The following NAV1 variants were observed in gnomAD, a reference collection of about 807,000 sequenced individuals.
The protein encoded by NAV1 is pore membrane and/or filament interacting like protein 3.
A neutral mutation model predicts 175.2 loss-of-function variants in NAV1; 18 were observed. The ratio of observed to expected loss-of-function variants is 0.10; its 90% CI spans 0.07 to 0.15. The LOEUF (loss-of-function observed/expected upper bound fraction) is 0.15. NAV1 is among the 10% of genes least tolerant of loss of function. The pLI, the probability that NAV1 is intolerant of heterozygous loss-of-function variation, is 1.00. For missense variants in NAV1, 1,731 were observed against 2,436.6 expected (o/e 0.71, Z 6.10); for synonymous variants, 897 against 978.7 (o/e 0.92, Z 1.56).
chr1:201,718,549 G>C lies in NAV1; in HGVS notation c.1020G>C (p.Glu340Asp), dbSNP rs2102485026. ...CTGTGGGTGGGAGCTGCCGCTCGGA[G>C]GGGACGCCCGCCTGGTACATGCACG... Residue 340 changes from glutamate to aspartate, a missense_variant, in exon 3 of 30, where the codon GAG (glutamate) becomes GAC (aspartate). Glu to Asp is a conservative substitution (Grantham distance 45). Transcript: ENST00000367296. The surrounding 1 kb of genome is among the most constrained non-coding windows in gnomAD (Gnocchi z 4.8). The C allele has an allele frequency of 6.2e-7, 1 of 1,613,570 alleles. No individual in the cohort carries two copies. Among genetic ancestry groups the C allele is most frequent in the Non-Finnish European group, 8.5e-7 (1 of 1,179,772 alleles).
intron 1 of NAV1, among the ~76,000 whole-genome samples, chr1:201,706,054 G>A (rs575328645): frequency 3.7e-4 from 56 of 152,266 alleles, no homozygotes; most frequent in African/African-American, 1.3e-3. Flanking sequence ...GAGTTTGAAG[G>A]TTTGTGTCCT....
intron 1 of NAV1, among the ~76,000 whole-genome samples, chr1:201,662,992 A>T (rs1669672302): frequency 6.6e-6 from 1 of 152,186 alleles, no homozygotes; most frequent in South Asian, 2.1e-4. Context: ...CATGCTCTGC[A>T]TTCTTGCTCC....
chr1:201,567,927 C>G (rs969779220), intron 1 of NAV1, among the ~76,000 whole-genome samples: 19 of 152,208 alleles, frequency 1.2e-4, no homozygotes, highest in African/African-American at 4.6e-4. Flanking sequence ...GAAGATCAAC[C>G]CTAGGAGACA....
chr1:201,811,588 C>T lies in NAV1; in HGVS notation c.4798-15C>T, dbSNP rs746890228. The T allele has an allele frequency of 1.3e-5, 21 of 1,614,030 alleles. No homozygotes were observed. In the South Asian group the frequency reaches 2.2e-4, roughly 17 times the overall value. On this transcript the variant is annotated splice_polypyrimidine_tract_variant and intron_variant, in intron 24 of 29. Transcript: ENST00000367296. ...TTATTCCCAAGTGCTGACCCACAGC[C>T]TTCTTTTATTCCAGGATCTGCAACT...
intron 2 of NAV1, among the ~76,000 whole-genome samples, chr1:201,615,823 CTG>C (rs1667986705): frequency 6.6e-6 from 1 of 152,202 alleles, no homozygotes; most frequent in African/African-American, 2.4e-5. Context: ...ACCCTTTCCA[CTG>C]TGAGCATTTG....
At chr1:201,729,534 G>A (rs1672755582) in intron 3 of NAV1, among the ~76,000 whole-genome samples, 1 of 152,014 alleles carries the variant, frequency 6.6e-6, no homozygotes, top group Non-Finnish European at 1.5e-5. Context: ...CCAGCTACTT[G>A]GGAGGCTGAG....
chr1:201,587,176 A>C (rs1298320113), intron 1 of NAV1, among the ~76,000 whole-genome samples: 1 of 151,930 alleles, frequency 6.6e-6, no homozygotes, highest in Non-Finnish European at 1.5e-5. Flanking sequence ...GTGCCACTGC[A>C]CTCCTGCCTG....
chr1:201,550,881 T>A (rs1665833365), intron 1 of NAV1, among the ~76,000 whole-genome samples: 1 of 152,210 alleles, frequency 6.6e-6, no homozygotes, highest in Non-Finnish European at 1.5e-5. Context: ...ACCCAGAGGA[T>A]GGAGGTTGGC....
chr1:201,680,055 CA>C (rs2102396750), intron 1 of NAV1, among the ~76,000 whole-genome samples: 1 of 152,310 alleles, frequency 6.6e-6, no homozygotes, highest in African/African-American at 2.4e-5. Context: ...ATAAAGAAAA[CA>C]GGCATATTTG....
At chr1:201,648,430 TTCCC>T (rs1292024831) in exon 1 of NAV1, 12 of 1,156,900 alleles carry the variant, frequency 1.0e-5, no homozygotes, top group Non-Finnish European at 1.2e-5. Context: ...GCTCCCCGGC[TTCCC>T]TGCTCTTTCC....
chr1:201,578,093 C>T (rs1666745281), intron 1 of NAV1, among the ~76,000 whole-genome samples: 1 of 152,166 alleles, frequency 6.6e-6, no homozygotes. Context: ...CATCCTCTTT[C>T]TTTTCTCTTA....
intron 1 of NAV1, among the ~76,000 whole-genome samples, chr1:201,558,330 G>A (rs6427913): frequency 0.17 from 25,187 of 152,100 alleles, 2,840 homozygotes; most frequent in East Asian, 0.3. Flanking sequence ...GTGATTTTTC[G>A]GGGAAATGAA....
exon 30 of NAV1, chr1:201,826,114 C>T (rs1012134500): frequency 5.9e-5 from 9 of 152,164 alleles, no homozygotes; most frequent in African/African-American, 2.2e-4. Flanking sequence ...TTGGGTAAAG[C>T]ACAAAGAAAC....
At chr1:201,582,089 C>G (rs34862624) in intron 1 of NAV1, among the ~76,000 whole-genome samples, 1 of 152,164 alleles carries the variant, frequency 6.6e-6, no homozygotes, top group African/African-American at 2.4e-5. Flanking sequence ...GAGTGAGACT[C>G]CGTCTCAAAC....
rs568658557 is a variant in NAV1 at position 201,723,043 on chromosome 1, G to A, written c.1226+4288G>A. On this transcript the variant is annotated intron_variant, in intron 3 of 29. Transcript: ENST00000367296. Reference sequence around the variant, plus strand: ...GGAGAATTGCTTTAACCCAGGAGGCGGAGGTTGCAGAGAGTCGAGATTGCA... The same window carrying A: ...GGAGAATTGCTTTAACCCAGGAGGCAGAGGTTGCAGAGAGTCGAGATTGCA... Among the ~76,000 whole-genome samples the A allele has an allele frequency of 3.9e-5, 6 of 152,326 alleles. No individual in the cohort carries two copies. In the South Asian group the frequency reaches 6.2e-4, roughly 16 times the overall value.
exon 30 of NAV1, chr1:201,820,647 AC>A (rs1051347506): frequency 3.0e-4 from 45 of 152,360 alleles, no homozygotes; most frequent in African/African-American, 1.1e-3. Context: ...CTGAGAAGTC[AC>A]CAAACCACAA....
intron 2 of NAV1, among the ~76,000 whole-genome samples, chr1:201,717,803 T>C (rs1275661673): frequency 6.6e-6 from 1 of 152,248 alleles, no homozygotes; most frequent in Non-Finnish European, 1.5e-5. Context: ...GCACTCTACT[T>C]CAGCTTTCCT....
intron 1 of NAV1, among the ~76,000 whole-genome samples, chr1:201,651,122 C>CGGGTGTGTGTGT (rs1669185959): frequency 7.7e-6 from 1 of 129,062 alleles, no homozygotes; most frequent in African/African-American, 2.8e-5. Flanking sequence ...AGGAAGGGAC[C>CGGGTGTGTGTGT]GTGTGTGTGT....
At chr1:201,713,381 G>A (rs1428332163) in intron 2 of NAV1, among the ~76,000 whole-genome samples, 1 of 152,160 alleles carries the variant, frequency 6.6e-6, no homozygotes, top group African/African-American at 2.4e-5. Context: ...GTGCCCCCTG[G>A]CCTCTTCTAC....
Sources: gnomAD v4.1 joint callset for allele counts (sites outside exome capture counted in the v4.1 genomes callset) on GRCh38, gnomAD v4.1.1 for gene constraint, Gnocchi (gnomAD v3.1) non-coding constraint, MANE v1.5 for transcripts, NCBI Gene and HGNC (gene_info 2026-07-23, HGNC 2026-07-21) for gene names.